The following CYFIP1 variants were observed in gnomAD, a reference collection of about 807,000 sequenced individuals.
The protein encoded by CYFIP1 is cytoplasmic FMR1 interacting protein 1.
A neutral mutation model predicts 163.5 loss-of-function variants in CYFIP1; 58 were observed. The ratio of observed to expected loss-of-function variants is 0.35; its 90% CI spans 0.29 to 0.44. CYFIP1 has a LOEUF of 0.44. Among genes scored for constraint, CYFIP1 ranks in the 20% least tolerant of loss-of-function variants. The probability of loss-of-function intolerance (pLI) is 1.00; values close to 1 mark genes in which losing one functional copy is unlikely to be tolerated. For synonymous variants in CYFIP1, 663 were observed against 660.7 expected (o/e 1.00, Z -0.05); for missense variants, 1,338 against 1,653.8 (o/e 0.81, Z 3.31).
chr15:22,917,088 A>C lies in CYFIP1; in HGVS notation c.1675-458T>G. ...GAGAGACGTTAGTCACTCGACACAC[A>C]CACCCCAGGCAGGGACACGGGACGC... On this transcript the variant is annotated intron_variant, in intron 15 of 30. Coordinates refer to ENST00000617928, the MANE Select transcript of CYFIP1 (RefSeq NM_014608.6). This position sits in a 1 kb window ranked among gnomAD's most constrained non-coding sequence, Gnocchi z 4.2. 1 of 1,477,748 alleles carries C rather than the reference A, an allele frequency of 6.8e-7. No individual in the cohort carries two copies. The allele number at this position is 1,477,748 out of a possible 1,614,324, so 91.5% of individuals were successfully genotyped here.
intron 1 of CYFIP1, among the ~76,000 whole-genome samples, chr15:22,964,314 A>ACACACACACAC (rs2062814615): frequency 7.8e-5 from 6 of 77,134 alleles, no homozygotes; most frequent in Non-Finnish European, 1.6e-4. Flanking sequence ...ACACACACAC[A>ACACACACACAC]ACTGGCGGCC....
rs137979359 is a variant in CYFIP1 at position 22,879,973 on chromosome 15, G to A, written c.2982C>T (p.Phe994=). ...CGTTCCCCACCTCCCGCAGGTTCTG[G>A]AAGCACACCGTCTTCAGCTCTGCGT... ...VEYAELKTVC[F]QNLREVGNAI... is the part of the protein sequence containing the mutation. The change falls in exon 26 of 31, where the codon TTC becomes TTT. Residue 994 remains phenylalanine (F), a synonymous_variant. Coordinates refer to ENST00000617928, the MANE Select transcript of CYFIP1 (RefSeq NM_014608.6). The A allele has an allele frequency of 5.0e-6, 8 of 1,613,972 alleles. No individual in the cohort carries two copies. The highest frequency in any genetic ancestry group is 5.9e-6 in the Non-Finnish European group (7 of 1,180,002).
intron 13 of CYFIP1, among the ~76,000 whole-genome samples, chr15:22,921,764 C>CAAAAAAAA (rs35027433): frequency 1.7e-5 from 1 of 58,186 alleles, no homozygotes; most frequent in Non-Finnish European, 3.4e-5. Flanking sequence ...GACTCTGTCT[C>CAAAAAAAA]AAAAAAAAAA....
intron 29 of CYFIP1, among the ~76,000 whole-genome samples, chr15:22,873,190 G>A (rs1529795): frequency 0.84 from 127,765 of 151,996 alleles, 53,773 homozygotes; most frequent in East Asian, 0.93. Flanking sequence ...GCTGCTTCCT[G>A]TCCCTTTTTA....
intron 23 of CYFIP1, among the ~76,000 whole-genome samples, chr15:22,888,414 T>C (rs1410916325): frequency 1.3e-5 from 2 of 152,162 alleles, no homozygotes; most frequent in South Asian, 2.1e-4. Context: ...GTCACTTGTA[T>C]ATGTCTAAAT....
At chr15:22,932,977 C>T (rs1266242948) in intron 10 of CYFIP1, among the ~76,000 whole-genome samples, 2 of 152,036 alleles carry the variant, frequency 1.3e-5, no homozygotes, top group Non-Finnish European at 2.9e-5. Flanking sequence ...GGACTACAGG[C>T]GTGTGCCACC....
At chr15:22,940,645 C>A (rs2061866216) in intron 6 of CYFIP1, among the ~76,000 whole-genome samples, 1 of 152,236 alleles carries the variant, frequency 6.6e-6, no homozygotes, top group Non-Finnish European at 1.5e-5. Flanking sequence ...GAGAAATAAA[C>A]TGCAATCTTT....
chr15:22,887,956 T>G (rs182877734), intron 23 of CYFIP1, among the ~76,000 whole-genome samples: 1 of 152,236 alleles, frequency 6.6e-6, no homozygotes, highest in African/African-American at 2.4e-5. Flanking sequence ...GTCGTGCAAC[T>G]TGGGTGCTCT....
intron 25 of CYFIP1, among the ~76,000 whole-genome samples, chr15:22,880,851 G>A (rs748987987): frequency 2.6e-5 from 4 of 152,154 alleles, no homozygotes; most frequent in Non-Finnish European, 5.9e-5. Flanking sequence ...CGGGGGTGGG[G>A]GCGGGGACGC....
chr15:22,944,838 G>A (rs2140103523), intron 4 of CYFIP1, 24 bp downstream of exon 4: 2 of 1,609,920 alleles, frequency 1.2e-6, no homozygotes, highest in Admixed American at 1.7e-5. Flanking sequence ...TGGCTGGAGG[G>A]GAAGAGCCAG....
At chr15:22,957,929 A>C (rs535078236) in intron 1 of CYFIP1, among the ~76,000 whole-genome samples, 1 of 152,282 alleles carries the variant, frequency 6.6e-6, no homozygotes, top group East Asian at 1.9e-4. Flanking sequence ...CTGTATTTGG[A>C]AGCAGGGGAC....
chr15:22,921,293 G>C (rs2061167363), intron 13 of CYFIP1, among the ~76,000 whole-genome samples: 1 of 151,980 alleles, frequency 6.6e-6, no homozygotes, highest in African/African-American at 2.4e-5. Context: ...GCTTGAAACT[G>C]GGAGGTGGAG....
chr15:22,894,873 A>T (rs1013112086), intron 22 of CYFIP1, among the ~76,000 whole-genome samples: 18 of 108,638 alleles, frequency 1.7e-4, no homozygotes, highest in African/African-American at 5.2e-4. Context: ...TTATATATAT[A>T]TATATTTTTT....
At chr15:22,870,822 C>G (rs2059412946) in intron 30 of CYFIP1, among the ~76,000 whole-genome samples, 1 of 152,192 alleles carries the variant, frequency 6.6e-6, no homozygotes, top group Non-Finnish European at 1.5e-5. Flanking sequence ...GGCCAGTCAA[C>G]TAACACAAGT....
chr15:22,923,504 C>T (rs2061255893), intron 13 of CYFIP1, among the ~76,000 whole-genome samples: 1 of 152,132 alleles, frequency 6.6e-6, no homozygotes, highest in South Asian at 2.1e-4. Context: ...GGAGCCCTCA[C>T]TTACTGCTGG....
At chr15:22,939,938 T>C (rs2140074459) in intron 6 of CYFIP1, among the ~76,000 whole-genome samples, 1 of 152,288 alleles carries the variant, frequency 6.6e-6, no homozygotes. Flanking sequence ...GGTTCTCTGC[T>C]GGGAACCCTC....
At chr15:22,940,793 C>A (rs1329817822) in intron 6 of CYFIP1, among the ~76,000 whole-genome samples, 7 of 152,198 alleles carry the variant, frequency 4.6e-5, no homozygotes, top group African/African-American at 1.7e-4. Flanking sequence ...GTAATCCCAG[C>A]ATTTTGGGAG....
At chr15:22,882,352 CAT>C (rs749925531) in intron 24 of CYFIP1, among the ~76,000 whole-genome samples, 17 of 152,242 alleles carry the variant, frequency 1.1e-4, no homozygotes, top group Admixed American at 1.3e-4. Flanking sequence ...CAAGCTGCCA[CAT>C]GTTTTGGGAC....
chr15:22,916,727 T>C, intron 15 of CYFIP1, 97 bp from the exon 16 acceptor site: 2 of 1,613,832 alleles, frequency 1.2e-6, no homozygotes, highest in Non-Finnish European at 8.5e-7. Flanking sequence ...ACTGCTCCGC[T>C]ACGCCCTGGT....
Sources: gnomAD v4.1 joint callset for allele counts (sites outside exome capture counted in the v4.1 genomes callset) on GRCh38, gnomAD v4.1.1 for gene constraint, Gnocchi (gnomAD v3.1) non-coding constraint, MANE v1.5 for transcripts, NCBI Gene and HGNC (gene_info 2026-07-23, HGNC 2026-07-21) for gene names.